The following TNFSF14 variants were observed in gnomAD, a reference collection of about 807,000 sequenced individuals.
TNFSF14 encodes TNF superfamily member 14, also known as tumor necrosis factor ligand superfamily member 14.
TNFSF14 carries 15 observed loss-of-function variants against 22.7 expected under a neutral mutation model. That is an observed-to-expected ratio of 0.66 (90% CI 0.44 to 1.02). TNFSF14 has a LOEUF of 1.02. Ranked by LOEUF, TNFSF14 falls within the 50% of genes least tolerant of loss-of-function variation. The pLI, the probability that TNFSF14 is intolerant of heterozygous loss-of-function variation, is 0.00. For synonymous variants in TNFSF14, 133 were observed against 139.6 expected (o/e 0.95, Z 0.33); for missense variants, 287 against 326.2 (o/e 0.88, Z 0.93).
At chr19:6,665,883 TC>T (rs1917411273) in intron 3 of TNFSF14, among the ~76,000 whole-genome samples, 1 of 151,524 alleles carries the variant, frequency 6.6e-6, no homozygotes. Flanking sequence ...GCTCAACCGA[TC>T]CTTCAGGCTC....
Position 6,661,294 on chromosome 19 carries a change from G to A in TNFSF14, c.*3632C>T, listed in dbSNP as rs190635790. 6.6e-6 allele frequency: 1 copy of A among 152,638 alleles called. No homozygotes were observed. The highest frequency in any genetic ancestry group is 1.9e-4 in the East Asian group (1 of 5,188). 9.5% of individuals were successfully genotyped at this position (152,638 alleles called of 1,614,324 possible). A position where few individuals can be genotyped will look rare whatever the true frequency, so the allele number is the denominator to read the frequency against. ...GTCCTTTATTAGCCGGCGACTGAGA[G>A]ACGGCTAGCGCTCAAAATTCTCTCC... On this transcript the variant is annotated 3_prime_UTR_variant, in exon 4 of 4. Transcript: ENST00000675206.
At position 6,665,099 on chromosome 19, in the gene TNFSF14, G is replaced by T; in HGVS notation, c.550C>A (p.Gln184Lys). ...PEELELLVSQ[Q>K]SPCGRATSSS... ...CTGGTGGCCCGTCCGCAGGGTGACT[G>T]CTGGCTGACCAACAGCTCCAGCTCC... The change falls in exon 4 of 4, where the codon CAG (glutamine) becomes AAG (lysine). Residue 184 changes from glutamine (Q) to lysine (K), a missense_variant. By Grantham distance (53) the Gln-to-Lys change is moderately conservative. Coordinates refer to ENST00000675206, the MANE Select transcript of TNFSF14 (RefSeq NM_001376887.1). The T allele has an allele frequency of 6.2e-7, 1 of 1,614,064 alleles. No homozygotes were observed.
Position 6,666,897 on chromosome 19 carries a change from A to AAAATAAATAAAT in TNFSF14, c.298+204_298+215dup, listed in dbSNP as rs3065920. On this transcript the variant is annotated intron_variant, in intron 3 of 3. Coordinates refer to ENST00000675206, the MANE Select transcript of TNFSF14 (RefSeq NM_001376887.1). Reference sequence around the variant, plus strand: ...TGGGCAACAGAGTGAGACTGTCTCAAAAATAAATAAATAAATAAATAAATA... The same window carrying AAAATAAATAAAT: ...TGGGCAACAGAGTGAGACTGTCTCAAAAATAAATAAATAAATAAATAAATAAATAAATAAATA... 1.8e-3 allele frequency among the ~76,000 whole-genome samples: 264 copies of AAAATAAATAAAT among 149,076 alleles called. 3 individuals are homozygous for AAAATAAATAAAT. In the East Asian group the frequency reaches 0.029, roughly 16 times the overall value.
Position 6,663,460 on chromosome 19 carries a change from T to A in TNFSF14, c.*1466A>T, listed in dbSNP as rs1917306840. The A allele has an allele frequency of 6.6e-6, 1 of 152,204 alleles. No individual in the cohort carries two copies. Among genetic ancestry groups the A allele is most frequent in the Admixed American group, 6.6e-5 (1 of 15,230 alleles). The allele number at this position is 152,204 out of a possible 1,614,324, so 9.4% of individuals were successfully genotyped here. The stretch of plus-strand genomic sequence containing the variant: ...GTAATGTGTGTTTGTCATTGTGATG[T>A]TGTGTGTGTGTAATGTGTATTTGTC... On this transcript the variant is annotated 3_prime_UTR_variant, in exon 4 of 4. Transcript: ENST00000675206.
At chr19:6,665,436 T>G (rs1401223886) in intron 3 of TNFSF14, 86 bp from the exon 4 acceptor site, 10 of 1,360,764 alleles carry the variant, frequency 7.3e-6, no homozygotes, top group Non-Finnish European at 8.8e-6. Context: ...TGACACAGAG[T>G]CTCGCTCTGT....
chr19:6,665,904 G>A (rs945674302), intron 3 of TNFSF14, among the ~76,000 whole-genome samples: 2 of 151,892 alleles, frequency 1.3e-5, no homozygotes, highest in Non-Finnish European at 2.9e-5. Context: ...CCCAAGTGCT[G>A]GGATTCCAGT....
At chr19:6,668,942 G>A (rs1472329913) in intron 1 of TNFSF14, among the ~76,000 whole-genome samples, 1 of 152,236 alleles carries the variant, frequency 6.6e-6, no homozygotes, top group African/African-American at 2.4e-5. Flanking sequence ...CTAGGCGGGT[G>A]TGTGGACATG....
chr19:6,661,520 CGGACG>C lies in TNFSF14; in HGVS notation c.*3401_*3405del, dbSNP rs1273337075. On this transcript the variant is annotated 3_prime_UTR_variant, in exon 4 of 4. Transcript: ENST00000675206. The stretch of plus-strand genomic sequence containing the variant: ...CGCGGGGGCTTTGGGTGCTATCAAC[CGGACG>C]AATTCCTGGGAATTGTGGATATAGC... 1.3e-5 allele frequency: 2 copies of C among 152,144 alleles called. No individual in the cohort carries two copies. The highest frequency in any genetic ancestry group is 2.9e-5 in the Non-Finnish European group (2 of 68,020). The allele number at this position is 152,144 out of a possible 1,614,324, so 9.4% of individuals were successfully genotyped here.
At chr19:6,667,485 C>T (rs1199286535) in intron 1 of TNFSF14, 36 bp from the exon 2 acceptor site, 2 of 1,569,602 alleles carry the variant, frequency 1.3e-6, no homozygotes, top group Admixed American at 2.1e-5. Context: ...TAAGAACCTG[C>T]AGCGGGGGCC....
intron 3 of TNFSF14, 90 bp downstream of exon 3, chr19:6,667,023 G>A (rs1917448346): frequency 7.0e-7 from 1 of 1,423,520 alleles, no homozygotes; most frequent in African/African-American, 1.4e-5. Flanking sequence ...AGCAATGAAT[G>A]AATGAATACA....
In TNFSF14 at chr19:6,661,667, C is replaced by G. The variant is rs1917247432; in HGVS notation, c.*3259G>C. ...GCGAAGAAGCCAAAATAGAGTCTGCCTGGCCCTCTCAGCTAAGGGAGAGTC... is the reference window on the plus strand; with the variant it reads ...GCGAAGAAGCCAAAATAGAGTCTGCGTGGCCCTCTCAGCTAAGGGAGAGTC... On this transcript the variant is annotated 3_prime_UTR_variant, in exon 4 of 4. Coordinates refer to ENST00000675206, the MANE Select transcript of TNFSF14 (RefSeq NM_001376887.1). 1 of 152,192 alleles carries G rather than the reference C, an allele frequency of 6.6e-6. No homozygotes were observed. Among genetic ancestry groups the G allele is most frequent in the Non-Finnish European group, 1.5e-5 (1 of 68,038 alleles). 9.4% of individuals were successfully genotyped at this position (152,192 alleles called of 1,614,324 possible).
In TNFSF14 at chr19:6,662,807, A is replaced by T. The variant is rs1209531379; in HGVS notation, c.*2119T>A. ...CTTCCAGCTGGCTTGGCGGATTGTC[A>T]TTCTGTCCTGGATGTGTCTAATAAG... On this transcript the variant is annotated 3_prime_UTR_variant, in exon 4 of 4. Transcript: ENST00000675206. The T allele has an allele frequency of 6.6e-6, 1 of 152,168 alleles. No individual in the cohort carries two copies. The highest frequency in any genetic ancestry group is 2.4e-5 in the African/African-American group (1 of 41,386). The allele number at this position is 152,168 out of a possible 1,614,324, so 9.4% of individuals were successfully genotyped here.
rs957451995 is a variant in TNFSF14 at position 6,663,148 on chromosome 19, C to T, written c.*1778G>A. ...AAGAACTAGACAGATCCAGGTACAA[C>T]TATTTGCCATTTATTTCAAAGATCA... On this transcript the variant is annotated 3_prime_UTR_variant, in exon 4 of 4. Transcript: ENST00000675206. 1 of 152,242 alleles carries T rather than the reference C, an allele frequency of 6.6e-6. No individual in the cohort carries two copies. The highest frequency in any genetic ancestry group is 1.5e-5 in the Non-Finnish European group (1 of 68,062). The allele number at this position is 152,242 out of a possible 1,614,324, so 9.4% of individuals were successfully genotyped here.
At chr19:6,670,412 T>C (rs1325911516), upstream of TNFSF14, 1 of 475,938 alleles carries the variant, frequency 2.1e-6, no homozygotes, top group African/African-American at 2.0e-5. Context: ...CTGAGGACTT[T>C]CTGCCCATGC....
chr19:6,664,616 GCAACC>G lies in TNFSF14; in HGVS notation c.*305_*309del. ...TGCAGTGGTGTGATCTCGGCTCACT[GCAACC>G]TCCGCCTCCCGGGTTTAAGCAAAAT... On this transcript the variant is annotated 3_prime_UTR_variant, in exon 4 of 4. Transcript: ENST00000675206. The surrounding 1 kb of genome is among the most constrained non-coding windows in gnomAD (Gnocchi z 4.7). 4.4e-6 allele frequency: 1 copy of G among 225,996 alleles called. No homozygotes were observed. The highest frequency in any genetic ancestry group is 5.2e-5 in the Admixed American group (1 of 19,416). 14.0% of individuals were successfully genotyped at this position (225,996 alleles called of 1,614,324 possible). A position where few individuals can be genotyped will look rare whatever the true frequency, so the allele number is the denominator to read the frequency against.
chr19:6,670,147 G>T lies in TNFSF14; in HGVS notation c.-78C>A. ...GAAACCGAAATTGCTCAACACTCCT[G>T]GGCTGTGCACGCTGCGGACAGGCAC... On this transcript the variant is annotated 5_prime_UTR_variant, in exon 1 of 4. Coordinates refer to ENST00000675206, the MANE Select transcript of TNFSF14 (RefSeq NM_001376887.1). The T allele has an allele frequency of 6.4e-7, 1 of 1,568,758 alleles. No individual in the cohort carries two copies.
At chr19:6,670,383 T>C (rs1917572617), upstream of TNFSF14, 4 of 782,984 alleles carry the variant, frequency 5.1e-6, no homozygotes, top group Non-Finnish European at 6.8e-6. Flanking sequence ...TTCATTCGCT[T>C]GGGGCCACCA....
Position 6,667,164 on chromosome 19 carries a change from G to T in TNFSF14, c.257-10C>A. 1 of 1,584,748 alleles carries T rather than the reference G, an allele frequency of 6.3e-7. No individual in the cohort carries two copies. Among genetic ancestry groups the T allele is most frequent in the Admixed American group, 1.9e-5 (1 of 53,322 alleles). ...TCGTGAGACCTTCGCTCTGGGGAAAGAGGGTCAGAGGTTAGAGACGAAGAC... is the reference window on the plus strand; with the variant it reads ...TCGTGAGACCTTCGCTCTGGGGAAATAGGGTCAGAGGTTAGAGACGAAGAC... On this transcript the variant is annotated splice_polypyrimidine_tract_variant and intron_variant, in intron 2 of 3. Coordinates refer to ENST00000675206, the MANE Select transcript of TNFSF14 (RefSeq NM_001376887.1).
At chr19:6,667,533 AG>A in intron 1 of TNFSF14, 84 bp from the exon 2 acceptor site, 1 of 1,454,862 alleles carries the variant, frequency 6.9e-7, no homozygotes, top group Non-Finnish European at 9.2e-7. Context: ...ATGAGACATG[AG>A]GACCATAGCC....
Sources: gnomAD v4.1 joint callset for allele counts (sites outside exome capture counted in the v4.1 genomes callset) on GRCh38, gnomAD v4.1.1 for gene constraint, Gnocchi (gnomAD v3.1) non-coding constraint, MANE v1.5 for transcripts, NCBI Gene and HGNC (gene_info 2026-07-23, HGNC 2026-07-21) for gene names.